CA10: variants seen among roughly 807,000 people sequenced by gnomAD.
The protein encoded by CA10 is carbonic anhydrase 10 (inactive), also known as carbonic anhydrase-related protein 10.
A neutral mutation model predicts 44.2 loss-of-function variants in CA10; 14 were observed. The observed-to-expected ratio is 0.32, with a 90% CI of 0.21 to 0.50. The LOEUF is 0.50. Among genes scored for constraint, CA10 ranks in the 20% least tolerant of loss-of-function variants. The probability of loss-of-function intolerance (pLI) is 0.99; values close to 1 mark genes in which losing one functional copy is unlikely to be tolerated. For synonymous variants in CA10, 159 were observed against 141.6 expected (o/e 1.12, Z -0.87); for missense variants, 350 against 409.7 (o/e 0.85, Z 1.26).
intron 3 of CA10, chr17:51,748,489 T>G (rs886180226): frequency 1.2e-5 from 12 of 985,394 alleles, no homozygotes; most frequent in Admixed American, 6.1e-5. Flanking sequence ...TGCTTGGCAT[T>G]CCTTTTCCTT....
At chr17:51,689,462 C>T (rs1209929910) in intron 4 of CA10, among the ~76,000 whole-genome samples, 2 of 152,120 alleles carry the variant, frequency 1.3e-5, no homozygotes, top group African/African-American at 4.8e-5. Context: ...GATGGAATAT[C>T]ATTTGTCATA....
chr17:51,731,653 TA>T (rs371165542), intron 4 of CA10, among the ~76,000 whole-genome samples: 17,026 of 109,004 alleles, frequency 0.16, 1,430 homozygotes, highest in African/African-American at 0.27. Context: ...AAGGGGCTGG[TA>T]AAAAAAAAAA....
intron 2 of CA10, among the ~76,000 whole-genome samples, chr17:52,057,730 C>A: frequency 6.6e-6 from 1 of 152,106 alleles, no homozygotes; most frequent in Non-Finnish European, 1.5e-5. Flanking sequence ...TATTTTATCA[C>A]TGGCATTTTT....
upstream of CA10, chr17:52,159,474 T>C (rs1208549377): frequency 2.6e-5 from 4 of 152,188 alleles, no homozygotes; most frequent in African/African-American, 7.2e-5. Flanking sequence ...GGGCTTCCCT[T>C]CTTGTCTTTC....
intron 3 of CA10, among the ~76,000 whole-genome samples, chr17:51,818,204 C>T (rs1338870529): frequency 6.6e-6 from 1 of 152,184 alleles, no homozygotes; most frequent in Admixed American, 6.5e-5. Context: ...AATTGTAATC[C>T]TTATCTTACC....
chr17:51,709,177 T>C (rs899487080), intron 4 of CA10, among the ~76,000 whole-genome samples: 2 of 152,246 alleles, frequency 1.3e-5, no homozygotes, highest in African/African-American at 4.8e-5. Flanking sequence ...CTAGCAAATA[T>C]ATTTTGAGCA....
At position 51,862,362 on chromosome 17, in the gene CA10, A is replaced by G. The variant is rs543155284; in HGVS notation, c.279+68628T>C. On this transcript the variant is annotated intron_variant, in intron 3 of 8. Transcript: ENST00000451037. ...GTAACAAGAATATGTTACAACAGAA[A>G]TTAACAGCTCTATTCATTTAGATAA... Among the ~76,000 whole-genome samples, 43 of 152,196 alleles carry G rather than the reference A, an allele frequency of 2.8e-4. 1 individual carries two copies. Among genetic ancestry groups the G allele is most frequent in the African/African-American group, 9.4e-4 (39 of 41,542 alleles).
At chr17:52,114,044 T>G (rs1238166947) in intron 1 of CA10, among the ~76,000 whole-genome samples, 1 of 152,166 alleles carries the variant, frequency 6.6e-6, no homozygotes, top group Non-Finnish European at 1.5e-5. Flanking sequence ...AATATCAGAG[T>G]AGCCTCCCCA....
At chr17:51,748,353 A>G (rs1904780108) in intron 3 of CA10, 5 of 363,970 alleles carry the variant, frequency 1.4e-5, no homozygotes, top group Non-Finnish European at 1.9e-5. Flanking sequence ...CAGAATCCTC[A>G]TAGCTTGTGG....
chr17:51,932,596 G>A (rs1324383127), intron 2 of CA10, among the ~76,000 whole-genome samples: 2 of 152,028 alleles, frequency 1.3e-5, no homozygotes, highest in Non-Finnish European at 2.9e-5. Context: ...ATAAGCCTCT[G>A]GTAGACCATT....
At chr17:51,638,548 G>A (rs1021115173) in intron 6 of CA10, among the ~76,000 whole-genome samples, 5 of 152,162 alleles carry the variant, frequency 3.3e-5, no homozygotes, top group Admixed American at 3.3e-4. Flanking sequence ...ACGACGTGAG[G>A]GACCTTGGGG....
At chr17:51,757,466 T>C (rs762724666) in intron 3 of CA10, among the ~76,000 whole-genome samples, 1 of 152,222 alleles carries the variant, frequency 6.6e-6, no homozygotes, top group East Asian at 1.9e-4. Flanking sequence ...TCCAGGATTA[T>C]GCAAACAAGT....
intron 3 of CA10, among the ~76,000 whole-genome samples, chr17:51,908,907 G>A (rs1981674903): frequency 1.3e-5 from 2 of 152,160 alleles, no homozygotes; most frequent in South Asian, 4.1e-4. Context: ...CTCTGATTAT[G>A]CTAATCTGAT....
chr17:51,779,531 A>C (rs1489789881), intron 3 of CA10, among the ~76,000 whole-genome samples: 1 of 152,158 alleles, frequency 6.6e-6, no homozygotes, highest in East Asian at 1.9e-4. Context: ...TGAAAAATGC[A>C]TCCCCTCCAG....
chr17:51,878,219 C>G (rs537391062), intron 3 of CA10, among the ~76,000 whole-genome samples: 17 of 148,392 alleles, frequency 1.1e-4, no homozygotes, highest in Non-Finnish European at 1.9e-4. Flanking sequence ...GATAGTGCAT[C>G]AGAATTACCT....
At chr17:51,872,171 G>A (rs550910998) in intron 3 of CA10, among the ~76,000 whole-genome samples, 1 of 152,296 alleles carries the variant, frequency 6.6e-6, no homozygotes, top group South Asian at 2.1e-4. Flanking sequence ...CAGTGCCTGT[G>A]CTCCCATAAG....
In CA10 at chr17:52,158,660, T is replaced by A. The variant is rs1394516805; in HGVS notation, c.-874A>T. On this transcript the variant is annotated 5_prime_UTR_variant, in exon 1 of 9. Transcript: ENST00000451037. The stretch of plus-strand genomic sequence containing the variant: ...TTCCTGAACTCCCCAGAACCCCCAG[T>A]TGCCTGGCTTCCATCGCCCGCAACT... 2 of 152,522 alleles carry A rather than the reference T, an allele frequency of 1.3e-5. No individual in the cohort carries two copies. Among genetic ancestry groups the A allele is most frequent in the African/African-American group, 4.8e-5 (2 of 41,478 alleles). The allele number at this position is 152,522 out of a possible 1,614,324, so 9.4% of individuals were successfully genotyped here.
At chr17:51,744,631 TAAATA>T (rs1287564946) in intron 4 of CA10, among the ~76,000 whole-genome samples, 1 of 152,074 alleles carries the variant, frequency 6.6e-6, no homozygotes, top group Non-Finnish European at 1.5e-5. Context: ...AATAAATAAA[TAAATA>T]AAATAATTCC....
chr17:51,869,702 G>A (rs1214938135), intron 3 of CA10, among the ~76,000 whole-genome samples: 1 of 152,124 alleles, frequency 6.6e-6, no homozygotes, highest in Admixed American at 6.6e-5. Context: ...TTGAGGTCAA[G>A]AGCTTGAGAC....
Sources: allele counts gnomAD v4.1 joint callset (sites outside exome capture counted in the v4.1 genomes callset), GRCh38; gene constraint gnomAD v4.1.1; transcripts MANE v1.5; gene names NCBI Gene and HGNC (gene_info 2026-07-23, HGNC 2026-07-21).